ROBO2: variants seen among roughly 807,000 people sequenced by gnomAD.
The protein encoded by ROBO2 is roundabout guidance receptor 2.
In ROBO2, 53 loss-of-function variants were observed where a neutral mutation model predicts 160.8. That is an observed-to-expected ratio of 0.33 (90% CI 0.26 to 0.41). ROBO2 has a LOEUF of 0.41. Among genes scored for constraint, ROBO2 ranks in the 10% least tolerant of loss-of-function variants. The pLI, the probability that ROBO2 is intolerant of heterozygous loss-of-function variation, is 1.00. For synonymous variants in ROBO2, 664 were observed against 611.7 expected (o/e 1.09, Z -1.26); for missense variants, 1,577 against 1,722.4 (o/e 0.92, Z 1.49).
intron 2 of ROBO2, among the ~76,000 whole-genome samples, chr3:76,357,277 A>C (rs1164819930): frequency 6.6e-6 from 1 of 151,948 alleles, no homozygotes; most frequent in African/African-American, 2.4e-5. Flanking sequence ...ACCTATAAGC[A>C]GGAGTAAAAC....
intron 2 of ROBO2, among the ~76,000 whole-genome samples, chr3:77,028,487 A>T (rs1166274897): frequency 6.6e-6 from 1 of 152,166 alleles, no homozygotes; most frequent in Non-Finnish European, 1.5e-5. Flanking sequence ...AGACTGAGGC[A>T]GGCGGATCAC....
intron 2 of ROBO2, among the ~76,000 whole-genome samples, chr3:77,267,427 T>C (rs2059197614): frequency 6.6e-6 from 1 of 152,132 alleles, no homozygotes; most frequent in African/African-American, 2.4e-5. Flanking sequence ...TATTCCCAGG[T>C]TCAGTTTCTT....
intron 2 of ROBO2, among the ~76,000 whole-genome samples, chr3:76,580,036 A>G (rs2085558301): frequency 6.6e-6 from 1 of 152,006 alleles, no homozygotes; most frequent in South Asian, 2.1e-4. Context: ...TCCCCAACAC[A>G]AGGAAGAAGG....
At chr3:76,775,484 A>T (rs1248958665) in intron 2 of ROBO2, among the ~76,000 whole-genome samples, 4 of 150,874 alleles carry the variant, frequency 2.7e-5, no homozygotes, top group Non-Finnish European at 6.0e-5. Flanking sequence ...CTTTAATTGA[A>T]ATCTAAAAAT....
At position 76,322,109 on chromosome 3, in the gene ROBO2, T is replaced by C. The variant is rs562937540; in HGVS notation, c.109+384507T>C. Among the ~76,000 whole-genome samples the C allele has an allele frequency of 5.6e-4, 83 of 147,946 alleles. 1 individual carries two copies. Among genetic ancestry groups the C allele is most frequent in the Non-Finnish European group, 1.3e-4 (9 of 67,442 alleles). ...CTATTTACTTGCCTTATATAAAATA[T>C]CTTGTGCAAATCATCTTCTGAAGTG... On this transcript the variant is annotated intron_variant, in intron 2 of 26. Transcript: ENST00000487694.
chr3:76,502,876 A>C (rs2080546348), intron 2 of ROBO2, among the ~76,000 whole-genome samples: 1 of 152,168 alleles, frequency 6.6e-6, no homozygotes, highest in Non-Finnish European at 1.5e-5. Flanking sequence ...TGGCAAGAAA[A>C]ATGTAGATGA....
At chr3:76,694,478 A>C (rs2107302551) in intron 2 of ROBO2, among the ~76,000 whole-genome samples, 1 of 152,206 alleles carries the variant, frequency 6.6e-6, no homozygotes, top group Non-Finnish European at 1.5e-5. Context: ...CAGCTTTATT[A>C]TTTTTCTCAC....
intron 2 of ROBO2, among the ~76,000 whole-genome samples, chr3:76,025,909 A>G (rs952715408): frequency 6.6e-6 from 1 of 151,880 alleles, no homozygotes; most frequent in African/African-American, 2.4e-5. Context: ...TTTCCAGTCC[A>G]GAATTTCTAC....
In ROBO2 at chr3:77,383,039, G is replaced by T. The variant is rs181878856; in HGVS notation, c.389-94375G>T. ...TACAAGTATCTGCAAGTTTCTTGCT[G>T]CTAGGAAGCATAAAATAGAAACTAT... On this transcript the variant is annotated intron_variant, in intron 2 of 25. Coordinates refer to ENST00000461745, the Ensembl canonical transcript of ROBO2. 2.2e-4 allele frequency among the ~76,000 whole-genome samples: 33 copies of T among 152,168 alleles called. 1 individual carries two copies. In the East Asian group the frequency reaches 5.2e-3, roughly 24 times the overall value.
intron 2 of ROBO2, among the ~76,000 whole-genome samples, chr3:76,051,457 C>G (rs1327614974): frequency 6.6e-6 from 1 of 152,098 alleles, no homozygotes; most frequent in Non-Finnish European, 1.5e-5. Flanking sequence ...GCAAAAATTA[C>G]TTTTAAGTAT....
chr3:75,981,384 G>A (rs2065269473), intron 2 of ROBO2, among the ~76,000 whole-genome samples: 1 of 151,362 alleles, frequency 6.6e-6, no homozygotes, highest in African/African-American at 2.4e-5. Flanking sequence ...AAAGTATGAT[G>A]TACGTATATC....
rs559522074 is a variant in ROBO2, at chr3:76,200,909, G to A, written c.109+263307G>A. 8.5e-5 allele frequency among the ~76,000 whole-genome samples: 13 copies of A among 152,156 alleles called. No individual in the cohort carries two copies. In the South Asian group the frequency reaches 2.7e-3, roughly 32 times the overall value. On this transcript the variant is annotated intron_variant, in intron 2 of 26. Coordinates refer to the ROBO2 transcript ENST00000487694. ...ACAAAACTAGCATGTGGGTTCTTGA[G>A]TTATTAATTGAAAAAATAAAAATAA...
intron 2 of ROBO2, among the ~76,000 whole-genome samples, chr3:76,007,191 G>T (rs2066045605): frequency 6.6e-6 from 1 of 151,876 alleles, no homozygotes; most frequent in African/African-American, 2.4e-5. Context: ...TTGTATTATT[G>T]CATATTAAAA....
intron 2 of ROBO2, among the ~76,000 whole-genome samples, chr3:76,961,247 GAAA>G (rs371889909): frequency 1.1e-4 from 6 of 54,444 alleles, no homozygotes; most frequent in African/African-American, 2.2e-4. Flanking sequence ...GTGCCACAGA[GAAA>G]AAAAAAAAAA....
chr3:77,327,302 G>C (rs902703023), intron 2 of ROBO2, among the ~76,000 whole-genome samples: 1 of 152,118 alleles, frequency 6.6e-6, no homozygotes, highest in Non-Finnish European at 1.5e-5. Flanking sequence ...CCTTGGGAGT[G>C]CCTTCAAATT....
chr3:76,963,107 A>C (rs1482128906), intron 2 of ROBO2, among the ~76,000 whole-genome samples: 3 of 151,740 alleles, frequency 2.0e-5, no homozygotes, highest in Non-Finnish European at 2.9e-5. Context: ...TTAAAATATT[A>C]ATCTCTGGAA....
intron 2 of ROBO2, among the ~76,000 whole-genome samples, chr3:77,018,821 G>A (rs2062442927): frequency 6.6e-6 from 1 of 152,172 alleles, no homozygotes; most frequent in South Asian, 2.1e-4. Context: ...AATTTATAGA[G>A]ACCGAAACCA....
chr3:76,426,566 C>A (rs574850984), intron 2 of ROBO2, among the ~76,000 whole-genome samples: 4 of 151,916 alleles, frequency 2.6e-5, no homozygotes, highest in Non-Finnish European at 5.9e-5. Context: ...AAAATCAGAC[C>A]GTAAGGGAAA....
chr3:77,360,757 C>G (rs1345454482), intron 2 of ROBO2, among the ~76,000 whole-genome samples: 2 of 152,038 alleles, frequency 1.3e-5, no homozygotes, highest in Admixed American at 6.6e-5. Context: ...ACTTTTTAAG[C>G]AAATTGCTGT....
Sources: gnomAD v4.1 joint callset for allele counts (sites outside exome capture counted in the v4.1 genomes callset) on GRCh38, gnomAD v4.1.1 for gene constraint, MANE v1.5 for transcripts, NCBI Gene and HGNC (gene_info 2026-07-23, HGNC 2026-07-21) for gene names.